The following MYO5B variants were observed in gnomAD, a reference collection of about 807,000 sequenced individuals.
The protein encoded by MYO5B is myosin VB.
A neutral mutation model predicts 229.3 loss-of-function variants in MYO5B; 143 were observed. The ratio of observed to expected loss-of-function variants is 0.62; its 90% CI spans 0.54 to 0.72. The LOEUF is 0.72. Among genes scored for constraint, MYO5B ranks in the 30% least tolerant of loss-of-function variants. The pLI, the probability that MYO5B is intolerant of heterozygous loss-of-function variation, is 0.00. For missense variants in MYO5B, 2,321 were observed against 2,331.0 expected (o/e 1.00, Z 0.09); for synonymous variants, 918 against 885.2 (o/e 1.04, Z -0.66).
At chr18:50,073,966 T>C (rs539791704) in intron 1 of MYO5B, among the ~76,000 whole-genome samples, 3 of 152,174 alleles carry the variant, frequency 2.0e-5, no homozygotes, top group Non-Finnish European at 1.5e-5. Context: ...TCTCCTAGAC[T>C]GCTCCTTCTC....
At chr18:50,052,326 C>T (rs573154214) in intron 2 of MYO5B, among the ~76,000 whole-genome samples, 189 of 149,744 alleles carry the variant, frequency 1.3e-3, no homozygotes, top group African/African-American at 4.4e-3. Flanking sequence ...CAATGATAGA[C>T]TGGATTAAGA....
At chr18:50,180,869 T>C (rs779060238) in intron 1 of MYO5B, among the ~76,000 whole-genome samples, 1 of 152,234 alleles carries the variant, frequency 6.6e-6, no homozygotes, top group Non-Finnish European at 1.5e-5. Flanking sequence ...TAAGGCTGAA[T>C]ATATCCCACT....
At position 49,839,086 on chromosome 18, in the gene MYO5B, C is replaced by T. The variant is rs370691193; in HGVS notation, c.4852+58G>A. On this transcript the variant is annotated intron_variant, in intron 36 of 39. Coordinates refer to ENST00000285039, the MANE Select transcript of MYO5B (RefSeq NM_001080467.3). ...CGAAAGGCAGAGGGTGCTGACCACG[C>T]CTTCCCCTCATTTCAGACACCATGA... 3.0e-5 allele frequency: 49 copies of T among 1,606,938 alleles called. No individual in the cohort carries two copies. The African/African-American group carries it at 6.0e-4, about 20-fold the overall frequency.
At chr18:50,133,459 C>A (rs16951579) in intron 1 of MYO5B, among the ~76,000 whole-genome samples, 1 of 152,118 alleles carries the variant, frequency 6.6e-6, no homozygotes, top group Non-Finnish European at 1.5e-5. Context: ...ATGGTGCAGA[C>A]GTCAGAAACA....
chr18:49,962,633 C>T (rs919796417), intron 11 of MYO5B, among the ~76,000 whole-genome samples: 2 of 152,072 alleles, frequency 1.3e-5, no homozygotes, highest in African/African-American at 4.8e-5. Context: ...CCTGAGTTGC[C>T]GTATTCCCAT....
chr18:50,139,259 T>C, intron 1 of MYO5B, among the ~76,000 whole-genome samples: 1 of 152,162 alleles, frequency 6.6e-6, no homozygotes, highest in East Asian at 1.9e-4. Flanking sequence ...TCTCCCAACT[T>C]TGCAGCTGAG....
chr18:49,939,148 C>CTTTTTTTTTTTTTTTT (rs11313115), intron 14 of MYO5B, among the ~76,000 whole-genome samples: 1 of 119,046 alleles, frequency 8.4e-6, no homozygotes, highest in Non-Finnish European at 1.6e-5. Context: ...TCTTTTTTTT[C>CTTTTTTTTTTTTTTTT]TTTTTTTTTT....
At chr18:50,007,487 T>G (rs116806902) in intron 4 of MYO5B, among the ~76,000 whole-genome samples, 1 of 152,214 alleles carries the variant, frequency 6.6e-6, no homozygotes, top group Non-Finnish European at 1.5e-5. Flanking sequence ...ATCGGACCAT[T>G]CTTCTCCCTT....
intron 1 of MYO5B, among the ~76,000 whole-genome samples, chr18:50,086,589 A>G (rs974540203): frequency 1.3e-5 from 2 of 152,190 alleles, no homozygotes; most frequent in Non-Finnish European, 2.9e-5. Flanking sequence ...TATTATGTGT[A>G]CCATACACTG....
chr18:50,184,239 G>A (rs936684935), intron 1 of MYO5B, among the ~76,000 whole-genome samples: 3 of 152,120 alleles, frequency 2.0e-5, no homozygotes, highest in African/African-American at 4.8e-5. Flanking sequence ...CAGGATGCAC[G>A]TGGGGCTGGG....
intron 1 of MYO5B, among the ~76,000 whole-genome samples, chr18:50,093,758 G>A (rs375771943): frequency 3.5e-4 from 52 of 149,324 alleles, no homozygotes; most frequent in African/African-American, 1.2e-3. Context: ...ATTATACTGC[G>A]TTAATATGCT....
chr18:49,863,987 G>C (rs935911403), intron 28 of MYO5B, among the ~76,000 whole-genome samples, 154 bp downstream of exon 28: 2 of 152,192 alleles, frequency 1.3e-5, no homozygotes, highest in Non-Finnish European at 2.9e-5. Flanking sequence ...AGGGCAGCAA[G>C]GCTTTTGCTC....
chr18:50,089,385 GA>G (rs1005541051), intron 1 of MYO5B, among the ~76,000 whole-genome samples: 14 of 150,198 alleles, frequency 9.3e-5, no homozygotes, highest in East Asian at 7.8e-4. Flanking sequence ...CTCAAAAAAG[GA>G]AAAAAAAAGT....
intron 35 of MYO5B, among the ~76,000 whole-genome samples, chr18:49,839,560 CG>C (rs1385869044): frequency 6.6e-6 from 1 of 152,242 alleles, no homozygotes; most frequent in East Asian, 1.9e-4. Flanking sequence ...GATTTCCCTA[CG>C]GTAGCAAAAC....
intron 4 of MYO5B, among the ~76,000 whole-genome samples, chr18:50,012,249 C>T (rs774394169): frequency 6.6e-5 from 10 of 152,190 alleles, no homozygotes; most frequent in Admixed American, 3.3e-4. Context: ...AGAAATGGGT[C>T]ACTACATAAA....
intron 1 of MYO5B, among the ~76,000 whole-genome samples, chr18:50,104,228 T>C (rs2031711403): frequency 6.9e-6 from 1 of 145,876 alleles, no homozygotes; most frequent in African/African-American, 2.5e-5. Context: ...TAAGGTGTCT[T>C]TGGCCAGAAA....
chr18:50,110,266 T>C (rs2031841458), intron 1 of MYO5B, among the ~76,000 whole-genome samples: 1 of 152,158 alleles, frequency 6.6e-6, no homozygotes, highest in South Asian at 2.1e-4. Context: ...TCTGCTTTAT[T>C]TTCTTCTCCT....
intron 4 of MYO5B, among the ~76,000 whole-genome samples, chr18:50,007,295 C>T (rs1292865850): frequency 2.0e-5 from 3 of 152,170 alleles, no homozygotes; most frequent in African/African-American, 7.2e-5. Flanking sequence ...TTCTCCCTTT[C>T]CCTCAGGCCC....
rs755183341 is a variant in MYO5B, at chr18:50,040,257, C to G, written c.196G>C (p.Asp66His). The G allele has an allele frequency of 6.2e-7, 1 of 1,614,110 alleles. No homozygotes were observed. Among genetic ancestry groups the G allele is most frequent in the Non-Finnish European group, 8.5e-7 (1 of 1,180,010 alleles). Residue 66 changes from aspartate to histidine, a missense_variant, in exon 3 of 40, where the codon GAT becomes CAT. Around this residue, in one of 2 missense-constraint regions of MYO5B, gnomAD observed 2,113 missense variants for 2,044.7 expected, o/e 1.03. Coordinates refer to ENST00000285039, the MANE Select transcript of MYO5B (RefSeq NM_001080467.3). ...RNQLPFLRNP[D>H]ILVGENDLTA... ...AGGTCATTTTCTCCCACCAAGATAT[C>G]TGGATTCCGTAAGAAGGGCAGCTGG...
Sources: allele counts gnomAD v4.1 joint callset (sites outside exome capture counted in the v4.1 genomes callset), GRCh38; gene constraint gnomAD v4.1.1; regional missense constraint gnomAD v4.1.1; transcripts MANE v1.5; gene names NCBI Gene and HGNC (gene_info 2026-07-23, HGNC 2026-07-21).